Variants in MYL2 observed in about 807,000 individuals in gnomAD.
MYL2 encodes the protein myosin light chain 2.
Under a neutral mutation model 23.0 loss-of-function variants are expected in MYL2, and 19 were observed. The observed-to-expected ratio is 0.83, with a 90% CI of 0.58 to 1.21. The LOEUF is 1.21. Among genes scored for constraint, MYL2 ranks in the 50% most tolerant of loss-of-function variants. The pLI is 0.00. For synonymous variants in MYL2, 78 were observed against 76.2 expected (o/e 1.02, Z -0.13); for missense variants, 180 against 215.1 (o/e 0.84, Z 1.02).
At chr12:110,915,134 C>A (rs2071680436) in intron 3 of MYL2, among the ~76,000 whole-genome samples, 1 of 152,160 alleles carries the variant, frequency 6.6e-6, no homozygotes, top group Non-Finnish European at 1.5e-5. Flanking sequence ...GTGAATACTT[C>A]CCTGTAGAAT....
In MYL2 at chr12:110,918,085, G is replaced by A. The variant is rs1445541591; in HGVS notation, c.93+1019C>T. 2.6e-5 allele frequency among the ~76,000 whole-genome samples: 4 copies of A among 151,984 alleles called. No individual in the cohort carries two copies. Among genetic ancestry groups the A allele is most frequent in the Admixed American group, 2.0e-4 (3 of 15,252 alleles). On this transcript the variant is annotated intron_variant, in intron 2 of 6. Transcript: ENST00000228841. The surrounding 1 kb of genome is among the most constrained non-coding windows in gnomAD (Gnocchi z 4.4). ...GTGACAGAGCGAGACTCTGTCACAC[G>A]CACAAAAAAAGAAAGCAGTCTGGTC... is the stretch of plus-strand genomic sequence containing the variant.
At chr12:110,911,207 G>A (rs1413331427) in intron 6 of MYL2, 32 bp from the exon 7 acceptor site, 3 of 1,357,374 alleles carry the variant, frequency 2.2e-6, no homozygotes, top group African/African-American at 1.5e-5. Context: ...TGCTAAGGAC[G>A]AGGGGAGGGG....
upstream of MYL2, among the ~76,000 whole-genome samples, chr12:110,921,021 C>T (rs1227653432): frequency 1.3e-5 from 2 of 152,206 alleles, no homozygotes; most frequent in African/African-American, 2.4e-5. Context: ...CATCTTTGCT[C>T]ATATGTCATC....
intron 2 of MYL2, among the ~76,000 whole-genome samples, chr12:110,917,387 A>G (rs1021957052): frequency 6.6e-6 from 1 of 151,378 alleles, no homozygotes; most frequent in Non-Finnish European, 1.5e-5. Flanking sequence ...TGAGGCCAGG[A>G]GTTTGAGACC....
In MYL2 at chr12:110,915,728, G is replaced by T. The variant is rs761358011; in HGVS notation, c.156C>A (p.Thr52=). ...GFIDKNDLRD[T]FAALGRVNVK... is the part of the protein sequence containing the mutation. Reference sequence around the variant, plus strand: ...AGGGTGACATACCAAGGGCAGCAAAGGTGTCTCTCAGATCGTTCTTGTCAA... The same window carrying T: ...AGGGTGACATACCAAGGGCAGCAAATGTGTCTCTCAGATCGTTCTTGTCAA... The change falls in exon 3 of 7, where the codon ACC becomes ACA. Residue 52 remains threonine, a synonymous_variant. Coordinates refer to ENST00000228841, the MANE Select transcript of MYL2 (RefSeq NM_000432.4). 2.5e-6 allele frequency: 4 copies of T among 1,614,106 alleles called. No homozygotes were observed. Among genetic ancestry groups the T allele is most frequent in the Non-Finnish European group, 3.4e-6 (4 of 1,179,984 alleles).
In MYL2 at chr12:110,911,153, A is replaced by T. The variant is rs1414230972; in HGVS notation, c.425T>A (p.Phe142Tyr). 2 of 1,604,998 alleles carry T rather than the reference A, an allele frequency of 1.2e-6. No homozygotes were observed. The highest frequency in any genetic ancestry group is 3.4e-5 in the Admixed American group (2 of 59,658). The change falls in exon 7 of 7, where the codon TTC becomes TAC. Residue 142 changes from phenylalanine (F) to tyrosine (Y), a missense_variant. Physicochemically the swap from Phe to Tyr is conservative, Grantham distance 22. Coordinates refer to ENST00000228841, the MANE Select transcript of MYL2 (RefSeq NM_000432.4). ...KEEVDQMFAAFPPDVTGNLDY... is the reference protein window; with the variant it reads ...KEEVDQMFAAYPPDVTGNLDY... Reference sequence around the variant, plus strand: ...CAAGTTGCCAGTCACGTCAGGGGGGAAGGCGGCGAACATCTGGTCAACCTG... The same window carrying T: ...CAAGTTGCCAGTCACGTCAGGGGGGTAGGCGGCGAACATCTGGTCAACCTG...
intron 2 of MYL2, among the ~76,000 whole-genome samples, chr12:110,917,131 C>A (rs2071692512): frequency 1.3e-5 from 2 of 151,608 alleles, no homozygotes; most frequent in African/African-American, 4.8e-5. Context: ...CAGGTGTGAG[C>A]CACTGTGCCT....
chr12:110,913,410 G>T, intron 4 of MYL2, 86 bp from the exon 5 acceptor site: 1 of 1,382,756 alleles, frequency 7.2e-7, no homozygotes, highest in Non-Finnish European at 1.0e-6. Context: ...TTCCCCCAGA[G>T]ATGAAGGGGC....
At chr12:110,917,579 C>A (rs1162749370) in intron 2 of MYL2, among the ~76,000 whole-genome samples, 1 of 152,168 alleles carries the variant, frequency 6.6e-6, no homozygotes, top group Admixed American at 6.5e-5. Flanking sequence ...TTACCCACAC[C>A]GCCGGCAGCT....
In MYL2 at chr12:110,913,003, G is replaced by A. The variant is rs61940351; in HGVS notation, c.402+93C>T. ...ATAGCTGGTTCTCTGTCAGTGTGGG[G>A]TCAGGGGTGCTTTAGACGAGAGGGG... On this transcript the variant is annotated intron_variant, in intron 6 of 6. Coordinates refer to ENST00000228841, the MANE Select transcript of MYL2 (RefSeq NM_000432.4). 0.014 allele frequency: 19,005 copies of A among 1,353,256 alleles called. 199 individuals carry two copies. Among genetic ancestry groups the A allele is most frequent in the Non-Finnish European group, 0.015 (14,357 of 942,396 alleles). 83.8% of individuals were successfully genotyped at this position (1,353,256 alleles called of 1,614,324 possible).
At chr12:110,912,004 G>A (rs1194853841) in intron 6 of MYL2, among the ~76,000 whole-genome samples, 1 of 152,174 alleles carries the variant, frequency 6.6e-6, no homozygotes, top group Admixed American at 6.5e-5. Flanking sequence ...TTACAGATGA[G>A]GAAATTGAGG....
chr12:110,920,005 G>A (rs1320021010), intron 1 of MYL2, among the ~76,000 whole-genome samples: 1 of 152,144 alleles, frequency 6.6e-6, no homozygotes, highest in Admixed American at 6.5e-5. Context: ...AACTTGGGGA[G>A]TTGAACTTGG....
chr12:110,916,050 A>T (rs958078194), intron 2 of MYL2, among the ~76,000 whole-genome samples: 1 of 152,236 alleles, frequency 6.6e-6, no homozygotes, highest in Non-Finnish European at 1.5e-5. Flanking sequence ...AAGCCTGTAC[A>T]CAAGGCTGGG....
At position 110,919,047 on chromosome 12, in the gene MYL2, G is replaced by T. The variant is rs1446720281; in HGVS notation, c.93+57C>A. 2.6e-6 allele frequency: 4 copies of T among 1,514,628 alleles called. No individual in the cohort carries two copies. In the African/African-American group the frequency reaches 5.5e-5, roughly 21 times the overall value. 93.8% of individuals were successfully genotyped at this position (1,514,628 alleles called of 1,614,324 possible). On this transcript the variant is annotated intron_variant, in intron 2 of 6. Transcript: ENST00000228841. Reference sequence around the variant, plus strand: ...GCTGGGAATATGGAACAAAAAGAAGGTTCTCCCTCGTGGGTGGGATTTCCA... The same window carrying T: ...GCTGGGAATATGGAACAAAAAGAAGTTTCTCCCTCGTGGGTGGGATTTCCA...
chr12:110,921,067 A>G (rs994562034), upstream of MYL2, among the ~76,000 whole-genome samples: 1 of 152,228 alleles, frequency 6.6e-6, no homozygotes, highest in African/African-American at 2.4e-5. Flanking sequence ...CATCTTTAAA[A>G]TAACCATGAA....
chr12:110,921,364 A>T (rs2071726722), upstream of MYL2, among the ~76,000 whole-genome samples: 1 of 152,102 alleles, frequency 6.6e-6, no homozygotes, highest in South Asian at 2.1e-4. Flanking sequence ...CTGTCTCAAA[A>T]CAAACAAATA....
At chr12:110,921,443 G>C (rs1024990794), upstream of MYL2, among the ~76,000 whole-genome samples, 1 of 152,182 alleles carries the variant, frequency 6.6e-6, no homozygotes, top group Non-Finnish European at 1.5e-5. Context: ...AGGCAGTCCC[G>C]AACACTGCCC....
chr12:110,918,885 C>A lies in MYL2; in HGVS notation c.93+219G>T. Reference sequence around the variant, plus strand: ...TGTGCTTTTCTGAAAAATTTTCCAACATTTTTCAACATGGAATATGTTTTA... The same window carrying A: ...TGTGCTTTTCTGAAAAATTTTCCAAAATTTTTCAACATGGAATATGTTTTA... On this transcript the variant is annotated intron_variant, in intron 2 of 6. Transcript: ENST00000228841. This position sits in a 1 kb window ranked among gnomAD's most constrained non-coding sequence, Gnocchi z 4.4. 1 of 554,944 alleles carries A rather than the reference C, an allele frequency of 1.8e-6. No individual in the cohort carries two copies. The highest frequency in any genetic ancestry group is 3.2e-6 in the Non-Finnish European group (1 of 313,716). 34.4% of individuals were successfully genotyped at this position (554,944 alleles called of 1,614,324 possible).
At chr12:110,920,206 A>G (rs746776150) in intron 1 of MYL2, among the ~76,000 whole-genome samples, 4 of 152,250 alleles carry the variant, frequency 2.6e-5, no homozygotes, top group Non-Finnish European at 5.9e-5. Flanking sequence ...GAAAAGAATT[A>G]CAATTTGATC....
Sources: allele counts gnomAD v4.1 joint callset (sites outside exome capture counted in the v4.1 genomes callset), GRCh38; gene constraint gnomAD v4.1.1; non-coding constraint Gnocchi (gnomAD v3.1); transcripts MANE v1.5; gene names NCBI Gene and HGNC (gene_info 2026-07-23, HGNC 2026-07-21).